Variants in LRRIQ4 observed in about 807,000 individuals in gnomAD.
LRRIQ4 encodes the protein leucine-rich repeat and IQ domain-containing protein 4.
In LRRIQ4, 21 loss-of-function variants were observed where a neutral mutation model predicts 40.1. The ratio of observed to expected loss-of-function variants is 0.52; its 90% CI spans 0.37 to 0.75. The LOEUF (loss-of-function observed/expected upper bound fraction) is 0.75, where lower values mean the gene tolerates loss of function less well. Ranked by LOEUF, LRRIQ4 falls within the 30% of genes least tolerant of loss-of-function variation. The probability of loss-of-function intolerance (pLI) is 0.00; values close to 1 mark genes in which losing one functional copy is unlikely to be tolerated. For synonymous variants in LRRIQ4, 277 were observed against 277.1 expected (o/e 1.00, Z 0.00); for missense variants, 655 against 660.0 (o/e 0.99, Z 0.08).
At chr3:169,832,239 G>A (rs1265260092) in intron 4 of LRRIQ4, among the ~76,000 whole-genome samples, 1 of 152,078 alleles carries the variant, frequency 6.6e-6, no homozygotes. Context: ...GGAGGCCAAG[G>A]CAGGCAGATC....
At position 169,837,739 on chromosome 3, in the gene LRRIQ4, T is replaced by G. The variant is rs984268194; in HGVS notation, c.*108T>G. On this transcript the variant is annotated 3_prime_UTR_variant, in exon 6 of 6. Transcript: ENST00000340806. ...AAAATTATTCATAAAATTACACTTA[T>G]GTGTAAAAATAAATGATTCTTACTT... 8 of 854,538 alleles carry G rather than the reference T, an allele frequency of 9.4e-6. No homozygotes were observed. The African/African-American group carries it at 1.4e-4, about 15-fold the overall frequency. The allele number at this position is 854,538 out of a possible 1,614,324, so 52.9% of individuals were successfully genotyped here.
In LRRIQ4 at chr3:169,828,816, G is replaced by C; in HGVS notation, c.1078G>C (p.Glu360Gln). Residue 360 changes from glutamate to glutamine, a missense_variant, in exon 3 of 6, where the codon GAG becomes CAG. Physicochemically the swap from Glu to Gln is conservative, Grantham distance 29. Transcript: ENST00000340806. ...KLKILGLTGNEFLSFPEEVLS... is the reference protein window; with the variant it reads ...KLKILGLTGNQFLSFPEEVLS... ...GAAGATACTTGGACTAACAGGAAATGAGTTCCTTTCCTTTCCGGAGGAAGT... is the reference window on the plus strand; with the variant it reads ...GAAGATACTTGGACTAACAGGAAATCAGTTCCTTTCCTTTCCGGAGGAAGT... 6.2e-7 allele frequency: 1 copy of C among 1,613,852 alleles called. No homozygotes were observed. The highest frequency in any genetic ancestry group is 8.5e-7 in the Non-Finnish European group (1 of 1,179,820).
intron 1 of LRRIQ4, among the ~76,000 whole-genome samples, chr3:169,815,955 T>G (rs865801464): frequency 6.6e-6 from 1 of 152,248 alleles, no homozygotes; most frequent in African/African-American, 2.4e-5. Flanking sequence ...GATTTGTGTA[T>G]GTTGAGCCAT....
chr3:169,824,094 A>G (rs116837180), intron 2 of LRRIQ4, among the ~76,000 whole-genome samples: 4,526 of 152,314 alleles, frequency 0.03, 102 homozygotes, highest in Non-Finnish European at 0.049. Flanking sequence ...ATGTATATAC[A>G]TACACACATA....
chr3:169,817,609 C>T (rs1779793723), intron 1 of LRRIQ4, among the ~76,000 whole-genome samples: 1 of 152,142 alleles, frequency 6.6e-6, no homozygotes, highest in African/African-American at 2.4e-5. Flanking sequence ...ACTAGGTGAT[C>T]CAGTGTTGGG....
chr3:169,833,144 C>T lies in LRRIQ4; in HGVS notation c.1491C>T (p.Tyr497=). Residue 497 remains tyrosine, a synonymous_variant, in exon 5 of 6, where the codon TAC becomes TAT. Coordinates refer to ENST00000340806, the MANE Select transcript of LRRIQ4 (RefSeq NM_001080460.3). ...AAGGCAATGAGGCCATATGGAAATA[C>T]CTCAAGGAAAACAGAAACAGGAATA... is the stretch of plus-strand genomic sequence containing the variant. ...CAEGNEAIWK[Y]LKENRNRNIM... 1.9e-6 allele frequency: 3 copies of T among 1,613,346 alleles called. No individual in the cohort carries two copies. The highest frequency in any genetic ancestry group is 2.5e-6 in the Non-Finnish European group (3 of 1,179,752).
At position 169,822,184 on chromosome 3, in the gene LRRIQ4, C is replaced by T. The variant is rs371657729; in HGVS notation, c.263C>T (p.Pro88Leu). The T allele has an allele frequency of 1.4e-5, 22 of 1,606,962 alleles. No homozygotes were observed. The highest frequency in any genetic ancestry group is 1.8e-5 in the Non-Finnish European group (21 of 1,178,058). The change falls in exon 2 of 6, where the codon CCG (proline) becomes CTG (leucine). Residue 88 changes from proline (P) to leucine (L), a missense_variant. Transcript: ENST00000340806. Reference sequence around the variant, plus strand: ...AAGAACAACCTGAGGAGCCTGTGCCCGGCGCTGGGGCTGCTGAGCAGCCTG... The same window carrying T: ...AAGAACAACCTGAGGAGCCTGTGCCTGGCGCTGGGGCTGCTGAGCAGCCTG... ...LDKNNLRSLC[P>L]ALGLLSSLES...
At chr3:169,835,434 A>C (rs1780284288) in intron 5 of LRRIQ4, among the ~76,000 whole-genome samples, 1 of 149,712 alleles carries the variant, frequency 6.7e-6, no homozygotes, top group African/African-American at 2.5e-5. Flanking sequence ...GCACCATAGT[A>C]AGATTCAGGT....
At chr3:169,828,335 A>T (rs1360084730) in intron 2 of LRRIQ4, among the ~76,000 whole-genome samples, 2 of 151,862 alleles carry the variant, frequency 1.3e-5, no homozygotes, top group Admixed American at 1.3e-4. Context: ...CACATTCCAG[A>T]GATTCCCCTG....
rs199708868 is a variant in LRRIQ4 at position 169,828,947 on chromosome 3, A to C, written c.1194+15A>C. On this transcript the variant is annotated intron_variant, in intron 3 of 5. Transcript: ENST00000340806. ...GGAAACTGCAGGTAAGCCTCCCCAA[A>C]TGAGCAGGCTAAGAAGCACCTGTCA... The C allele has an allele frequency of 8.7e-4, 1,398 of 1,597,828 alleles. 1 individual carries two copies. Among genetic ancestry groups the C allele is most frequent in the Non-Finnish European group, 9.7e-4 (1,141 of 1,174,474 alleles).
rs191008648 is a variant in LRRIQ4, at chr3:169,822,284, C to A, written c.363C>A (p.Arg121=). 2,752 of 1,613,248 alleles carry A rather than the reference C, an allele frequency of 1.7e-3. 10 individuals are homozygous for A. Among genetic ancestry groups the A allele is most frequent in the Middle Eastern group, 6.9e-3 (42 of 6,052 alleles). ...LVVVSFLHAL[R]ELRLYQTDLK... Reference sequence around the variant, plus strand: ...TTGTCAGCTTCCTCCACGCCCTGCGCGAGCTCCGGCTCTACCAGACCGACC... The same window carrying A: ...TTGTCAGCTTCCTCCACGCCCTGCGAGAGCTCCGGCTCTACCAGACCGACC... Residue 121 remains arginine (R), a synonymous_variant, in exon 2 of 6, where the codon CGC becomes CGA. Coordinates refer to ENST00000340806, the MANE Select transcript of LRRIQ4 (RefSeq NM_001080460.3).
In LRRIQ4 at chr3:169,822,284, C is replaced by T. The variant is rs191008648; in HGVS notation, c.363C>T (p.Arg121=). The T allele has an allele frequency of 6.2e-6, 10 of 1,613,134 alleles. No homozygotes were observed. Among genetic ancestry groups the T allele is most frequent in the Non-Finnish European group, 7.6e-6 (9 of 1,179,584 alleles). The change falls in exon 2 of 6, where the codon CGC becomes CGT. Residue 121 remains arginine, a synonymous_variant. Coordinates refer to ENST00000340806, the MANE Select transcript of LRRIQ4 (RefSeq NM_001080460.3). ...LVVVSFLHAL[R]ELRLYQTDLK... ...TTGTCAGCTTCCTCCACGCCCTGCG[C>T]GAGCTCCGGCTCTACCAGACCGACC...
chr3:169,815,269 A>G (rs1006999953), intron 1 of LRRIQ4, among the ~76,000 whole-genome samples: 1 of 152,234 alleles, frequency 6.6e-6, no homozygotes, highest in African/African-American at 2.4e-5. Flanking sequence ...ATCCAAGAAC[A>G]TAAAATATCT....
intron 2 of LRRIQ4, among the ~76,000 whole-genome samples, chr3:169,826,390 C>T: frequency 6.8e-6 from 1 of 146,804 alleles, no homozygotes; most frequent in Admixed American, 6.8e-5. Context: ...GAAACTCCGC[C>T]TCAAAAAAAA....
intron 4 of LRRIQ4, among the ~76,000 whole-genome samples, chr3:169,832,452 A>G (rs1780200727): frequency 6.7e-6 from 1 of 148,362 alleles, no homozygotes; most frequent in Admixed American, 6.8e-5. Context: ...TCGGTGACAG[A>G]GCTAGACTCT....
Position 169,818,000 on chromosome 3 carries a change from A to G in LRRIQ4, c.-31-3891A>G, listed in dbSNP as rs533487592. On this transcript the variant is annotated intron_variant, in intron 1 of 5. Coordinates refer to ENST00000340806, the MANE Select transcript of LRRIQ4 (RefSeq NM_001080460.3). ...CAAGTTTATTTAGAACCCCCAGAGCACTTTATCCCACAGTGGTGGGGCTAG... is the reference window on the plus strand; with the variant it reads ...CAAGTTTATTTAGAACCCCCAGAGCGCTTTATCCCACAGTGGTGGGGCTAG... 3.3e-5 allele frequency among the ~76,000 whole-genome samples: 5 copies of G among 152,326 alleles called. No homozygotes were observed. The East Asian group carries it at 7.7e-4, about 23-fold the overall frequency.
intron 1 of LRRIQ4, among the ~76,000 whole-genome samples, chr3:169,818,980 C>G (rs1779818514): frequency 6.6e-6 from 1 of 152,140 alleles, no homozygotes; most frequent in Non-Finnish European, 1.5e-5. Context: ...TGATTAGTTT[C>G]TTAAATGATT....
At chr3:169,831,244 T>C (rs369368000) in intron 4 of LRRIQ4, among the ~76,000 whole-genome samples, 2 of 149,656 alleles carry the variant, frequency 1.3e-5, no homozygotes, top group South Asian at 2.1e-4. Context: ...TGCACATGTT[T>C]TCAAACTATG....
intron 1 of LRRIQ4, among the ~76,000 whole-genome samples, chr3:169,814,588 C>G (rs1779723228): frequency 6.6e-6 from 1 of 152,156 alleles, no homozygotes; most frequent in Non-Finnish European, 1.5e-5. Context: ...GAGCTTCAAG[C>G]AATTCTCCCA....
Sources: gnomAD v4.1 joint callset for allele counts (sites outside exome capture counted in the v4.1 genomes callset) on GRCh38, gnomAD v4.1.1 for gene constraint, MANE v1.5 for transcripts, NCBI Gene and HGNC (gene_info 2026-07-23, HGNC 2026-07-21) for gene names.